Variants in ZNF391 observed in about 807,000 individuals in gnomAD.
The protein encoded by ZNF391 is zinc finger protein 391.
For missense variants in ZNF391, 375 were observed against 425.5 expected, an observed-to-expected ratio of 0.88 and a Z score of 1.04; for synonymous variants, 126 against 142.1, an observed-to-expected ratio of 0.89 and a Z score of 0.80.
chr6:27,381,076 G>C (rs933774256), intron 1 of ZNF391, among the ~76,000 whole-genome samples: 1 of 152,256 alleles, frequency 6.6e-6, no homozygotes, highest in Non-Finnish European at 1.5e-5. Context: ...ACACTCTTCA[G>C]CCCTTGGGTG....
chr6:27,375,636 C>A (rs1451744694), intron 1 of ZNF391, among the ~76,000 whole-genome samples: 1 of 152,130 alleles, frequency 6.6e-6, no homozygotes, highest in Non-Finnish European at 1.5e-5. Flanking sequence ...CATGTTTTAT[C>A]GCATTTGAGA....
chr6:27,396,903 C>T (rs1048643916), intron 1 of ZNF391, among the ~76,000 whole-genome samples: 1 of 152,148 alleles, frequency 6.6e-6, no homozygotes, highest in Admixed American at 6.5e-5. Flanking sequence ...GCAGGAATGT[C>T]TATCATCCCT....
upstream of ZNF391, among the ~76,000 whole-genome samples, chr6:27,385,529 G>A (rs1157746086): frequency 6.6e-6 from 1 of 152,122 alleles, no homozygotes; most frequent in African/African-American, 2.4e-5. Context: ...AGCAAGGAGA[G>A]CTATCAGGGA....
upstream of ZNF391, among the ~76,000 whole-genome samples, chr6:27,384,668 T>C (rs1388167454): frequency 2.6e-5 from 4 of 152,236 alleles, no homozygotes; most frequent in African/African-American, 9.6e-5. Context: ...TATTCTTCTG[T>C]ATGTGCAAAA....
At chr6:27,382,776 G>A (rs529971087) in intron 1 of ZNF391, among the ~76,000 whole-genome samples, 11 of 152,178 alleles carry the variant, frequency 7.2e-5, no homozygotes, top group African/African-American at 2.2e-4. Flanking sequence ...TAGACATGGC[G>A]GAAAAAAAGA....
intron 1 of ZNF391, among the ~76,000 whole-genome samples, chr6:27,381,294 G>A (rs1561807502): frequency 6.6e-6 from 1 of 152,236 alleles, no homozygotes; most frequent in African/African-American, 2.4e-5. Flanking sequence ...TACACCTTCC[G>A]CAGCCGCTGG....
At chr6:27,375,286 A>C (rs899125148) in intron 1 of ZNF391, 1 of 152,234 alleles carries the variant, frequency 6.6e-6, no homozygotes, top group Non-Finnish European at 1.5e-5. Flanking sequence ...CTGCGGCTGG[A>C]GAGATTTAGG....
intron 1 of ZNF391, among the ~76,000 whole-genome samples, chr6:27,375,493 C>T (rs1158549178): frequency 6.6e-6 from 1 of 152,168 alleles, no homozygotes; most frequent in African/African-American, 2.4e-5. Context: ...CTTATTATCT[C>T]TTTTATAACA....
chr6:27,381,325 TTGCCCGGGGCCGGCAGG>T (rs1358100220), intron 1 of ZNF391, among the ~76,000 whole-genome samples: 1 of 152,218 alleles, frequency 6.6e-6, no homozygotes, highest in Non-Finnish European at 1.5e-5. Flanking sequence ...AAGCCCCTCA[TTGCCCGGGGCCGGCAGG>T]TGCTCCGAGT....
intron 1 of ZNF391, among the ~76,000 whole-genome samples, chr6:27,396,900 T>A (rs1761837859): frequency 6.6e-6 from 1 of 152,170 alleles, no homozygotes; most frequent in Non-Finnish European, 1.5e-5. Flanking sequence ...TCTGCAGGAA[T>A]GTCTATCATC....
chr6:27,378,190 C>A (rs1281728689), intron 1 of ZNF391, among the ~76,000 whole-genome samples: 2 of 152,086 alleles, frequency 1.3e-5, no homozygotes, highest in Non-Finnish European at 2.9e-5. Context: ...AAAAACCACC[C>A]CCAGTCATCA....
intron 2 of ZNF391, 141 bp downstream of exon 2, chr6:27,399,691 T>A (rs1465963194): frequency 6.6e-6 from 1 of 152,262 alleles, no homozygotes; most frequent in Admixed American, 6.5e-5. Context: ...GCCTAGATGA[T>A]GTCTAAGTTC....
intron 1 of ZNF391, among the ~76,000 whole-genome samples, chr6:27,397,674 G>C (rs748940628): frequency 5.0e-4 from 76 of 152,292 alleles, no homozygotes; most frequent in Middle Eastern, 3.4e-3. Flanking sequence ...CTGTTGCCCA[G>C]GCTGGAGTGC....
rs1762026635 is a variant in ZNF391, at chr6:27,403,549, A to C, written c.*2102A>C. 2.0e-5 allele frequency: 3 copies of C among 152,184 alleles called. No homozygotes were observed. The highest frequency in any genetic ancestry group is 7.2e-5 in the African/African-American group (3 of 41,446). The allele number at this position is 152,184 out of a possible 1,614,324, so 9.4% of individuals were successfully genotyped here. ...GTACTTTTTTACATAAGCTGTTTTG[A>C]AGTTGTAAATCATCCTAAATCTTTT... On this transcript the variant is annotated 3_prime_UTR_variant, in exon 3 of 3. Coordinates refer to ENST00000244576, the MANE Select transcript of ZNF391 (RefSeq NM_001076781.3).
At position 27,401,773 on chromosome 6, in the gene ZNF391, A is replaced by T. The variant is rs1332016526; in HGVS notation, c.*326A>T. ...ATATTCTGAAGGGCTCCAACTTTAG[A>T]GTATAAAGCTATCTGACACCTTGTA... On this transcript the variant is annotated 3_prime_UTR_variant, in exon 3 of 3. Transcript: ENST00000244576. 1.6e-5 allele frequency: 3 copies of T among 189,764 alleles called. No homozygotes were observed. Among genetic ancestry groups the T allele is most frequent in the Non-Finnish European group, 3.3e-5 (3 of 90,846 alleles). The allele number at this position is 189,764 out of a possible 1,614,324, so 11.8% of individuals were successfully genotyped here. A position where few individuals can be genotyped will look rare whatever the true frequency, so the allele number is the denominator to read the frequency against.
Position 27,403,090 on chromosome 6 carries a change from T to C in ZNF391, c.*1643T>C, listed in dbSNP as rs1264297447. ...GGTACCTTGTGCCTAGATTACTAAATTGATCACTGTTGACTCACTACCATT... is the reference window on the plus strand; with the variant it reads ...GGTACCTTGTGCCTAGATTACTAAACTGATCACTGTTGACTCACTACCATT... On this transcript the variant is annotated 3_prime_UTR_variant, in exon 3 of 3. Transcript: ENST00000244576. 1.3e-5 allele frequency: 2 copies of C among 152,172 alleles called. No individual in the cohort carries two copies. Among genetic ancestry groups the C allele is most frequent in the Admixed American group, 1.3e-4 (2 of 15,278 alleles). 9.4% of individuals were successfully genotyped at this position (152,172 alleles called of 1,614,324 possible). A position where few individuals can be genotyped will look rare whatever the true frequency, so the allele number is the denominator to read the frequency against.
At chr6:27,398,640 C>T (rs1040799790) in intron 1 of ZNF391, among the ~76,000 whole-genome samples, 6 of 152,052 alleles carry the variant, frequency 3.9e-5, no homozygotes, top group African/African-American at 7.2e-5. Flanking sequence ...GGGTGGATCA[C>T]GAGGTCAGGA....
chr6:27,388,731 G>T, upstream of ZNF391: 1 of 337,920 alleles, frequency 3.0e-6, no homozygotes, highest in South Asian at 2.3e-5. Context: ...GCAGAGCTGC[G>T]ACCGCTGCTG....
intron 1 of ZNF391, among the ~76,000 whole-genome samples, chr6:27,382,529 A>G (rs1466534056): frequency 6.6e-6 from 1 of 152,238 alleles, no homozygotes; most frequent in African/African-American, 2.4e-5. Flanking sequence ...AAGAACAAGC[A>G]TCGGAACCAG....
Sources: gnomAD v4.1 joint callset for allele counts (sites outside exome capture counted in the v4.1 genomes callset) on GRCh38, gnomAD v4.1.1 for gene constraint, MANE v1.5 for transcripts, NCBI Gene and HGNC (gene_info 2026-07-23, HGNC 2026-07-21) for gene names.